Variants in PCDHA6 observed in about 807,000 individuals in gnomAD.
PCDHA6 encodes protocadherin alpha-6.
PCDHA6 carries 55 observed loss-of-function variants against 60.3 expected under a neutral mutation model. The ratio of observed to expected loss-of-function variants is 0.91; its 90% CI spans 0.73 to 1.14. The LOEUF is 1.14. Ranked by LOEUF, PCDHA6 falls within the 50% of genes most tolerant of loss-of-function variation. The pLI, the probability that PCDHA6 is intolerant of heterozygous loss-of-function variation, is 0.00. For missense variants in PCDHA6, 1,327 were observed against 1,256.5 expected (o/e 1.06, Z -0.85); for synonymous variants, 652 against 557.9 (o/e 1.17, Z -2.38).
intron 1 of PCDHA6, chr5:140,883,535 C>A: frequency 6.2e-7 from 1 of 1,614,248 alleles, no homozygotes; most frequent in South Asian, 1.1e-5. Flanking sequence ...AGCCTATGAA[C>A]TGGTGGTGAC....
chr5:140,923,078 G>A (rs1392146044), intron 1 of PCDHA6, among the ~76,000 whole-genome samples: 1 of 152,200 alleles, frequency 6.6e-6, no homozygotes, highest in African/African-American at 2.4e-5. Context: ...CCTCATGTCA[G>A]CACTTATTTG....
chr5:140,969,907 G>A (rs2096367708), intron 1 of PCDHA6, among the ~76,000 whole-genome samples: 1 of 152,204 alleles, frequency 6.6e-6, no homozygotes, highest in Non-Finnish European at 1.5e-5. Context: ...CATGTCACAA[G>A]TGATAAAGCT....
chr5:140,871,973 T>C (rs2053419799), intron 1 of PCDHA6, among the ~76,000 whole-genome samples: 1 of 152,254 alleles, frequency 6.6e-6, no homozygotes, highest in African/African-American at 2.4e-5. Context: ...CTTCCTATGA[T>C]GTCCAGGTTG....
intron 1 of PCDHA6, chr5:140,967,336 C>T (rs782067589): frequency 5.0e-6 from 8 of 1,607,396 alleles, no homozygotes; most frequent in Admixed American, 1.7e-5. Context: ...TCAGCCCCAG[C>T]GAGCACTTCG....
intron 3 of PCDHA6, among the ~76,000 whole-genome samples, chr5:141,000,510 C>G (rs1197965439): frequency 5.6e-5 from 8 of 143,864 alleles, no homozygotes; most frequent in South Asian, 4.5e-4. Context: ...TCACTGCAAC[C>G]TCCTTCTCCA....
chr5:140,995,233 G>A (rs1359304274), intron 3 of PCDHA6, among the ~76,000 whole-genome samples: 1 of 152,128 alleles, frequency 6.6e-6, no homozygotes, highest in Non-Finnish European at 1.5e-5. Flanking sequence ...TTTGGGGCCA[G>A]TATTAAGTAA....
At chr5:140,973,263 A>G (rs1458697392) in intron 1 of PCDHA6, among the ~76,000 whole-genome samples, 1 of 152,136 alleles carries the variant, frequency 6.6e-6, no homozygotes, top group Admixed American at 6.5e-5. Flanking sequence ...AGTGGCACCT[A>G]CTTTTATTTC....
chr5:140,978,829 T>A (rs2096825254), intron 1 of PCDHA6, 120 bp from the exon 2 acceptor site: 2 of 1,533,852 alleles, frequency 1.3e-6, no homozygotes, highest in Admixed American at 2.0e-5. Flanking sequence ...ATGAAATGGC[T>A]CATTCAATAC....
intron 3 of PCDHA6, among the ~76,000 whole-genome samples, chr5:140,993,767 G>T (rs115607244): frequency 1.3e-5 from 2 of 152,010 alleles, no homozygotes; most frequent in African/African-American, 4.8e-5. Flanking sequence ...TTACAATTGC[G>T]CAGTATTTTG....
intron 1 of PCDHA6, among the ~76,000 whole-genome samples, chr5:140,946,325 A>G (rs2093929113): frequency 6.6e-6 from 1 of 151,932 alleles, no homozygotes; most frequent in Non-Finnish European, 1.5e-5. Context: ...TGAAAGAGGA[A>G]AGATAACAAG....
chr5:140,914,944 CTTT>C (rs35695909), intron 1 of PCDHA6, among the ~76,000 whole-genome samples: 73 of 128,234 alleles, frequency 5.7e-4, no homozygotes, highest in African/African-American at 1.8e-3. Flanking sequence ...GAAAAGTTGT[CTTT>C]TTTTTTTTTT....
intron 1 of PCDHA6, among the ~76,000 whole-genome samples, chr5:140,885,682 A>G (rs1367880744): frequency 6.6e-6 from 1 of 152,194 alleles, no homozygotes; most frequent in Non-Finnish European, 1.5e-5. Flanking sequence ...TTCTATCTCA[A>G]GAAGCAATAG....
At chr5:140,848,866 A>G (rs200652127) in intron 1 of PCDHA6, 6 of 1,590,776 alleles carry the variant, frequency 3.8e-6, no homozygotes, top group Admixed American at 1.7e-5. Flanking sequence ...GTGGAGGTGA[A>G]GGACATTAAC....
At chr5:140,977,784 A>G (rs1284023783) in intron 1 of PCDHA6, among the ~76,000 whole-genome samples, 1 of 152,366 alleles carries the variant, frequency 6.6e-6, no homozygotes, top group East Asian at 1.9e-4. Context: ...TAAAGGAACT[A>G]TATGAATGAT....
intron 3 of PCDHA6, among the ~76,000 whole-genome samples, chr5:140,997,131 C>G (rs577407385): frequency 6.6e-6 from 1 of 152,008 alleles, no homozygotes; most frequent in Admixed American, 6.6e-5. Flanking sequence ...ACACAATGCC[C>G]CCACACCCCC....
Position 140,876,332 on chromosome 5 carries a change from T to C in PCDHA6, c.2394+45847T>C. On this transcript the variant is annotated intron_variant, in intron 1 of 3. Coordinates refer to ENST00000529310, the MANE Select transcript of PCDHA6 (RefSeq NM_018909.4). ...TATGGGATCAAAATGATTTTGCCAGTGAGTGAGAAATGTATGTTTTCAATA... is the reference window on the plus strand; with the variant it reads ...TATGGGATCAAAATGATTTTGCCAGCGAGTGAGAAATGTATGTTTTCAATA... 6.2e-7 allele frequency: 1 copy of C among 1,613,990 alleles called. No homozygotes were observed. Among genetic ancestry groups the C allele is most frequent in the Non-Finnish European group, 8.5e-7 (1 of 1,179,896 alleles).
Position 141,010,391 on chromosome 5 carries a change from C to T in PCDHA6, c.*454C>T, listed in dbSNP as rs976643195. The T allele has an allele frequency of 2.2e-5, 30 of 1,386,642 alleles. No homozygotes were observed. Among genetic ancestry groups the T allele is most frequent in the South Asian group, 2.9e-5 (2 of 68,924 alleles). The allele number at this position is 1,386,642 out of a possible 1,614,324, so 85.9% of individuals were successfully genotyped here. A position where few individuals can be genotyped will look rare whatever the true frequency, so the allele number is the denominator to read the frequency against. The stretch of plus-strand genomic sequence containing the variant: ...TGCGAGTGCCAGATATTGGCTGAGA[C>T]GAGCCAGCTTAGACTAATTGGTACA... On this transcript the variant is annotated 3_prime_UTR_variant, in exon 4 of 4. Transcript: ENST00000529310.
rs139625618 is a variant in PCDHA6 at position 141,008,025 on chromosome 5, T to C, written c.2543-1602T>C. 1.8e-3 allele frequency among the ~76,000 whole-genome samples: 273 copies of C among 152,354 alleles called. 1 individual carries two copies. Among genetic ancestry groups the C allele is most frequent in the Middle Eastern group, 6.8e-3 (2 of 294 alleles). Reference sequence around the variant, plus strand: ...TAAACTTCTGTTTCCTTTTTTTTCTTGTTAATCTGCCTTTTGTAACAGGGG... The same window carrying C: ...TAAACTTCTGTTTCCTTTTTTTTCTCGTTAATCTGCCTTTTGTAACAGGGG... On this transcript the variant is annotated intron_variant, in intron 3 of 3. Transcript: ENST00000529310.
intron 1 of PCDHA6, among the ~76,000 whole-genome samples, chr5:140,946,813 G>T (rs2094033515): frequency 6.6e-6 from 1 of 151,408 alleles, no homozygotes; most frequent in South Asian, 2.1e-4. Flanking sequence ...GTATAACAGT[G>T]ATTACCAGAG....
Sources: gnomAD v4.1 joint callset for allele counts (sites outside exome capture counted in the v4.1 genomes callset) on GRCh38, gnomAD v4.1.1 for gene constraint, MANE v1.5 for transcripts, NCBI Gene and HGNC (gene_info 2026-07-23, HGNC 2026-07-21) for gene names.